Variants in NAT10 observed in about 807,000 individuals in gnomAD.
The protein encoded by NAT10 is RNA cytidine acetyltransferase.
Under a neutral mutation model 132.2 loss-of-function variants are expected in NAT10, and 109 were observed. That is an observed-to-expected ratio of 0.82 (90% CI 0.71 to 0.97). The LOEUF (loss-of-function observed/expected upper bound fraction) is 0.97, where lower values mean the gene tolerates loss of function less well. NAT10 is among the 50% of genes least tolerant of loss of function. NAT10 has a pLI of 0.00. For synonymous variants in NAT10, 479 were observed against 478.0 expected (o/e 1.00, Z -0.03); for missense variants, 1,184 against 1,263.4 (o/e 0.94, Z 0.95).
Position 34,124,356 on chromosome 11 carries a change from G to A in NAT10, c.1063G>A (p.Val355Met), listed in dbSNP as rs1851948346. Residue 355 changes from valine to methionine, a missense_variant, in exon 11 of 29, where the codon GTG (valine) becomes ATG (methionine). Physicochemically the swap from Val to Met is conservative, Grantham distance 21. Coordinates refer to ENST00000257829, the MANE Select transcript of NAT10 (RefSeq NM_024662.3). Reference protein sequence around the residue: ...QSLNPEFNKAVIRVNVFREHR... With the variant: ...QSLNPEFNKAMIRVNVFREHR... ...TCTAAATCCTGAATTTAACAAAGCAGTGATCAGAGTGAATGTATTTCGAGA... is the reference window on the plus strand; with the variant it reads ...TCTAAATCCTGAATTTAACAAAGCAATGATCAGAGTGAATGTATTTCGAGA... 1 of 1,614,042 alleles carries A rather than the reference G, an allele frequency of 6.2e-7. No homozygotes were observed. The highest frequency in any genetic ancestry group is 8.5e-7 in the Non-Finnish European group (1 of 1,179,966).
intron 20 of NAT10, 64 bp from the exon 21 acceptor site, chr11:34,136,914 G>T (rs1305362761): frequency 6.2e-7 from 1 of 1,611,526 alleles, no homozygotes; most frequent in African/African-American, 1.3e-5. Flanking sequence ...TCTTGCCCTT[G>T]TGTGTCTATC....
chr11:34,115,477 TCCTC>T (rs976369598), intron 5 of NAT10, among the ~76,000 whole-genome samples: 45 of 152,366 alleles, frequency 3.0e-4, no homozygotes, highest in African/African-American at 5.8e-4. Flanking sequence ...TAATTTTTCT[TCCTC>T]CATCCATTAT....
intron 13 of NAT10, among the ~76,000 whole-genome samples, 153 bp from the exon 14 acceptor site, chr11:34,131,228 C>A (rs763759179): frequency 1.3e-5 from 2 of 152,182 alleles, no homozygotes; most frequent in Admixed American, 6.5e-5. Context: ...GAATATCCAC[C>A]AAAAACAATT....
At chr11:34,130,495 A>G (rs1448226597) in intron 12 of NAT10, among the ~76,000 whole-genome samples, 1 of 152,162 alleles carries the variant, frequency 6.6e-6, no homozygotes, top group Non-Finnish European at 1.5e-5. Flanking sequence ...TTTTAAGTTC[A>G]CATCACAGTC....
intron 4 of NAT10, among the ~76,000 whole-genome samples, chr11:34,113,256 A>G (rs1335992940): frequency 6.6e-6 from 1 of 152,238 alleles, no homozygotes; most frequent in East Asian, 1.9e-4. Context: ...AGTATGAATC[A>G]GTGAAGGTTG....
At chr11:34,145,935 T>C in intron 28 of NAT10, 149 bp from the exon 29 acceptor site, 4 of 590,214 alleles carry the variant, frequency 6.8e-6, no homozygotes, top group Non-Finnish European at 1.2e-5. Flanking sequence ...CCTAATAGGT[T>C]TGCAGAGAAC....
intron 12 of NAT10, 127 bp from the exon 13 acceptor site, chr11:34,130,686 T>G: frequency 8.2e-7 from 1 of 1,225,790 alleles, no homozygotes; most frequent in Non-Finnish European, 1.1e-6. Flanking sequence ...AGTTCAGAGA[T>G]GAGCAAGGCT....
chr11:34,134,930 C>A (rs1221341754), intron 18 of NAT10, among the ~76,000 whole-genome samples: 7 of 152,238 alleles, frequency 4.6e-5, no homozygotes, highest in Non-Finnish European at 1.0e-4. Context: ...CCAGAAAGCA[C>A]AGCCATCCTT....
Position 34,108,283 on chromosome 11 carries a change from G to C in NAT10, c.58G>C (p.Glu20Gln). 1 of 1,614,218 alleles carries C rather than the reference G, an allele frequency of 6.2e-7. No homozygotes were observed. Among genetic ancestry groups the C allele is most frequent in the Non-Finnish European group, 8.5e-7 (1 of 1,180,040 alleles). Residue 20 changes from glutamate (E) to glutamine (Q), a missense_variant, in exon 2 of 29, where the codon GAG (glutamate) becomes CAG (glutamine). Coordinates refer to ENST00000257829, the MANE Select transcript of NAT10 (RefSeq NM_024662.3). ...GATTCTCATTGAGAATGGAGTAGCT[G>C]AGCGGCAAAGATCTCTCTTTGTTGT... ...IRILIENGVA[E>Q]RQRSLFVVVG...
chr11:34,112,027 T>C (rs375064221), intron 3 of NAT10, 25 bp from the exon 4 acceptor site: 32 of 1,612,172 alleles, frequency 2.0e-5, no homozygotes, highest in Non-Finnish European at 2.6e-5. Context: ...CTGGCTCTCA[T>C]GGGATTGGGG....
intron 21 of NAT10, 124 bp downstream of exon 21, chr11:34,137,150 G>A (rs2132975593): frequency 2.0e-6 from 2 of 1,016,138 alleles, no homozygotes; most frequent in Non-Finnish European, 3.0e-6. Context: ...CTGTGCCTCT[G>A]AAGAGGTTTA....
rs761255172 is a variant in NAT10, at chr11:34,108,325, A to T, written c.100A>T (p.Lys34Ter). 6.2e-7 allele frequency: 1 copy of T among 1,613,332 alleles called. No individual in the cohort carries two copies. Among genetic ancestry groups the T allele is most frequent in the South Asian group, 1.1e-5 (1 of 91,062 alleles). Residue 34 changes from lysine to a stop codon, truncating the protein, a stop_gained, in exon 2 of 29, where the codon AAA (lysine) becomes TAA (stop). Transcript: ENST00000257829. LOFTEE classifies it high-confidence loss of function. ...CTTTGTTGTAGTTGGGGATCGAGGA[A>T]AAGATCAGGTATGGCCTGGTAAATG... Reference protein sequence around the residue: ...SLFVVVGDRGKDQVVILHHML... With the variant: ...SLFVVVGDRG
intron 28 of NAT10, among the ~76,000 whole-genome samples, chr11:34,144,745 A>C (rs948366855): frequency 6.6e-6 from 1 of 152,182 alleles, no homozygotes; most frequent in African/African-American, 2.4e-5. Flanking sequence ...CTGGGAGTAC[A>C]ATGAGGCCTC....
At position 34,112,055 on chromosome 11, in the gene NAT10, C is replaced by T; in HGVS notation, c.204C>T (p.His68=). 6.2e-7 allele frequency: 1 copy of T among 1,614,060 alleles called. No individual in the cohort carries two copies. Among genetic ancestry groups the T allele is most frequent in the South Asian group, 1.1e-5 (1 of 91,068 alleles). ...CYKKELGFSS[H]RKKRMRQLQK... ...GATTGGGGGTGTGTGATTGCAGTCA[C>T]CGGAAGAAAAGAATGCGACAGCTGC... is the stretch of plus-strand genomic sequence containing the variant. The change falls in exon 4 of 29, where the codon CAC becomes CAT. Residue 68 remains histidine, a synonymous_variant. Coordinates refer to ENST00000257829, the MANE Select transcript of NAT10 (RefSeq NM_024662.3).
intron 6 of NAT10, among the ~76,000 whole-genome samples, chr11:34,116,321 C>T (rs1003045195): frequency 8.5e-5 from 13 of 152,120 alleles, no homozygotes; most frequent in South Asian, 2.1e-4. Flanking sequence ...CAGAAAAAGG[C>T]GACAAAGTGT....
At position 34,113,788 on chromosome 11, in the gene NAT10, A is replaced by G; in HGVS notation, c.445A>G (p.Ile149Val). ...AGTGGAAGGTGGTGGGCTAGTGGTC[A>G]TCCTCCTACGGACCATGAACTCACT... ...ETVEGGGLVV[I>V]LLRTMNSLKQ... Residue 149 changes from isoleucine to valine, a missense_variant, in exon 5 of 29, where the codon ATC becomes GTC. Coordinates refer to ENST00000257829, the MANE Select transcript of NAT10 (RefSeq NM_024662.3). 6.2e-7 allele frequency: 1 copy of G among 1,614,148 alleles called. No homozygotes were observed. Among genetic ancestry groups the G allele is most frequent in the Non-Finnish European group, 8.5e-7 (1 of 1,180,004 alleles).
intron 3 of NAT10, among the ~76,000 whole-genome samples, chr11:34,110,559 CTTTTTTTTTTTT>C (rs948109196): frequency 9.8e-6 from 1 of 101,718 alleles, no homozygotes; most frequent in East Asian, 2.7e-4. Flanking sequence ...TTTTCTTTCC[CTTTTTTTTTTTT>C]TTTTTTTTTT....
intron 5 of NAT10, 55 bp from the exon 6 acceptor site, chr11:34,115,768 G>C (rs1851773479): frequency 6.3e-7 from 1 of 1,577,222 alleles, no homozygotes; most frequent in African/African-American, 1.4e-5. Context: ...TTTGGACCCT[G>C]GTCCTCAGCA....
intron 16 of NAT10, 81 bp downstream of exon 16, chr11:34,133,223 T>C: frequency 1.8e-6 from 2 of 1,103,840 alleles, no homozygotes; most frequent in Non-Finnish European, 2.8e-6. Context: ...ATAACTGCAT[T>C]GTGGGAGTTT....
Sources: gnomAD v4.1 joint callset for allele counts (sites outside exome capture counted in the v4.1 genomes callset) on GRCh38, gnomAD v4.1.1 for gene constraint, MANE v1.5 for transcripts, NCBI Gene and HGNC (gene_info 2026-07-23, HGNC 2026-07-21) for gene names.